The following NR3C2 variants were observed in gnomAD, a reference collection of about 807,000 sequenced individuals.
NR3C2 encodes the protein nuclear receptor subfamily 3 group C member 2, also known as mineralocorticoid receptor.
In NR3C2, 15 loss-of-function variants were observed where a neutral mutation model predicts 86.4. The observed-to-expected ratio is 0.17, with a 90% CI of 0.12 to 0.27. The LOEUF is 0.27. Ranked by LOEUF, NR3C2 falls within the 10% of genes least tolerant of loss-of-function variation. The probability of loss-of-function intolerance (pLI) is 1.00; values close to 1 mark genes in which losing one functional copy is unlikely to be tolerated. For synonymous variants in NR3C2, 458 were observed against 450.5 expected (o/e 1.02, Z -0.21); for missense variants, 960 against 1,195.6 (o/e 0.80, Z 2.91).
chr4:148,125,969 T>C (rs368093246), intron 6 of NR3C2, among the ~76,000 whole-genome samples: 1 of 152,236 alleles, frequency 6.6e-6, no homozygotes, highest in African/African-American at 2.4e-5. Context: ...CTGATTTAGA[T>C]TGTGACATGG....
At chr4:148,174,438 A>G (rs1467674002) in intron 4 of NR3C2, among the ~76,000 whole-genome samples, 2 of 152,266 alleles carry the variant, frequency 1.3e-5, no homozygotes, top group East Asian at 3.9e-4. Context: ...TCCAGAGGGT[A>G]TTTCCTCTGA....
intron 4 of NR3C2, among the ~76,000 whole-genome samples, chr4:148,181,251 A>G (rs781640113): frequency 5.3e-5 from 8 of 152,226 alleles, no homozygotes; most frequent in Non-Finnish European, 1.2e-4. Context: ...TCTTCACTAA[A>G]GGAATGTGAA....
chr4:148,241,626 T>G (rs1739052539), intron 3 of NR3C2, among the ~76,000 whole-genome samples: 1 of 152,158 alleles, frequency 6.6e-6, no homozygotes, highest in Non-Finnish European at 1.5e-5. Flanking sequence ...CCTTGCACTT[T>G]ACCTGCGCCA....
chr4:148,417,722 A>G (rs188183789), intron 2 of NR3C2, among the ~76,000 whole-genome samples: 5 of 152,320 alleles, frequency 3.3e-5, no homozygotes, highest in Non-Finnish European at 7.4e-5. Context: ...TCCCAAAACA[A>G]TAATTCCAGC....
intron 2 of NR3C2, among the ~76,000 whole-genome samples, chr4:148,359,593 T>C (rs1745738903): frequency 6.6e-6 from 1 of 152,174 alleles, no homozygotes; most frequent in African/African-American, 2.4e-5. Flanking sequence ...GCTGTCCAAG[T>C]ATCAGAGTTT....
At chr4:148,420,398 G>T (rs1749224292) in intron 2 of NR3C2, among the ~76,000 whole-genome samples, 1 of 152,124 alleles carries the variant, frequency 6.6e-6, no homozygotes, top group African/African-American at 2.4e-5. Flanking sequence ...TGCAAACCAA[G>T]AGTACTGACT....
In NR3C2 at chr4:148,081,558, C is replaced by T. The variant is rs559830564; in HGVS notation, c.2800-59G>A. On this transcript the variant is annotated intron_variant, in intron 8 of 8. Transcript: ENST00000358102. Reference sequence around the variant, plus strand: ...GCCTCCTTTCCGACCCTGGATCCCTCTGCCTTCTGACTTTGGTGGGAACTC... The same window carrying T: ...GCCTCCTTTCCGACCCTGGATCCCTTTGCCTTCTGACTTTGGTGGGAACTC... 20 of 1,611,114 alleles carry T rather than the reference C, an allele frequency of 1.2e-5. 1 individual carries two copies. The South Asian group carries it at 2.1e-4, about 17-fold the overall frequency.
chr4:148,402,633 G>A (rs572005911), intron 2 of NR3C2, among the ~76,000 whole-genome samples: 11 of 152,252 alleles, frequency 7.2e-5, no homozygotes, highest in South Asian at 4.1e-4. Flanking sequence ...CACAACAATC[G>A]CTATATAAGT....
Position 148,186,994 on chromosome 4 carries a change from A to G in NR3C2, c.2014+7752T>C, listed in dbSNP as rs1226054771. Among the ~76,000 whole-genome samples the G allele has an allele frequency of 1.0e-3, 11 of 11,026 alleles. No individual in the cohort carries two copies. The African/African-American group carries it at 0.012, about 12-fold the overall frequency. 7.2% of individuals were successfully genotyped at this position (11,026 alleles called of 152,430 possible). A position where few individuals can be genotyped will look rare whatever the true frequency, so the allele number is the denominator to read the frequency against. Reference sequence around the variant, plus strand: ...TTCCATCATACTGATGTGTGTATGTATGTATATATATATATATATATATAT... The same window carrying G: ...TTCCATCATACTGATGTGTGTATGTGTGTATATATATATATATATATATAT... On this transcript the variant is annotated intron_variant, in intron 4 of 8. Coordinates refer to ENST00000358102, the MANE Select transcript of NR3C2 (RefSeq NM_000901.5).
At chr4:148,142,048 G>GT (rs1367367400) in intron 6 of NR3C2, among the ~76,000 whole-genome samples, 1 of 152,198 alleles carries the variant, frequency 6.6e-6, no homozygotes, top group African/African-American at 2.4e-5. Flanking sequence ...GAGAAGGGAA[G>GT]TATTAGGAGC....
chr4:148,213,279 C>T (rs1206897765), intron 3 of NR3C2, among the ~76,000 whole-genome samples: 1 of 151,918 alleles, frequency 6.6e-6, no homozygotes, highest in Non-Finnish European at 1.5e-5. Context: ...TCAACAAAGT[C>T]ATGGAAATTC....
At chr4:148,366,923 C>A (rs775929011) in intron 2 of NR3C2, among the ~76,000 whole-genome samples, 1 of 152,062 alleles carries the variant, frequency 6.6e-6, no homozygotes, top group Non-Finnish European at 1.5e-5. Context: ...ATAACACCAA[C>A]CTACAAAAAA....
chr4:148,155,017 T>C, intron 4 of NR3C2, 116 bp from the exon 5 acceptor site: 4 of 823,968 alleles, frequency 4.9e-6, no homozygotes, highest in South Asian at 2.9e-5. Context: ...AATAGGAACA[T>C]GACCGTTTAT....
intron 3 of NR3C2, among the ~76,000 whole-genome samples, chr4:148,257,517 G>A (rs1739891837): frequency 6.6e-6 from 1 of 152,118 alleles, no homozygotes; most frequent in African/African-American, 2.4e-5. Flanking sequence ...TTGGCCTTAG[G>A]ATTAGGAATA....
intron 4 of NR3C2, among the ~76,000 whole-genome samples, chr4:148,188,756 C>G (rs1189564306): frequency 6.6e-6 from 1 of 152,082 alleles, no homozygotes; most frequent in Non-Finnish European, 1.5e-5. Context: ...CTGGCTAGGA[C>G]TTCCAGTACT....
intron 4 of NR3C2, among the ~76,000 whole-genome samples, chr4:148,160,229 A>G (rs1219589435): frequency 6.6e-6 from 1 of 152,056 alleles, no homozygotes; most frequent in African/African-American, 2.4e-5. Flanking sequence ...TCCCCGAGGA[A>G]CTGGCACTGG....
intron 2 of NR3C2, among the ~76,000 whole-genome samples, chr4:148,390,712 A>G (rs1349307009): frequency 6.6e-6 from 1 of 152,210 alleles, no homozygotes; most frequent in Non-Finnish European, 1.5e-5. Context: ...TGAACCCTTA[A>G]TCTTAAATAC....
chr4:148,414,358 T>C (rs1187722988), intron 2 of NR3C2, among the ~76,000 whole-genome samples: 4 of 152,192 alleles, frequency 2.6e-5, no homozygotes, highest in African/African-American at 9.6e-5. Context: ...ATTCTGTCTC[T>C]CATTTAAAGA....
rs72655233 is a variant in NR3C2 at position 148,259,844 on chromosome 4, A to G, written c.1897+134T>C. ...CCAGGTGGTTTTTATACAAGGCACT[A>G]TTACTGTTTATCACTGACAGATTAA... On this transcript the variant is annotated intron_variant, in intron 3 of 8. Transcript: ENST00000358102. 168 of 1,144,710 alleles carry G rather than the reference A, an allele frequency of 1.5e-4. No individual in the cohort carries two copies. The African/African-American group carries it at 2.3e-3, about 15-fold the overall frequency. 70.9% of individuals were successfully genotyped at this position (1,144,710 alleles called of 1,614,324 possible). A position where few individuals can be genotyped will look rare whatever the true frequency, so the allele number is the denominator to read the frequency against.
Sources: gnomAD v4.1 joint callset for allele counts (sites outside exome capture counted in the v4.1 genomes callset) on GRCh38, gnomAD v4.1.1 for gene constraint, MANE v1.5 for transcripts, NCBI Gene and HGNC (gene_info 2026-07-23, HGNC 2026-07-21) for gene names.